The following TM9SF4 variants were observed in gnomAD, a reference collection of about 807,000 sequenced individuals.
TM9SF4 encodes the protein dinucleotide oxidase disulfide thiol exchanger 3 superfamily member 4.
In TM9SF4, 26 loss-of-function variants were observed where a neutral mutation model predicts 90.4. The observed-to-expected ratio is 0.29, with a 90% CI of 0.21 to 0.40. The LOEUF is 0.40. TM9SF4 is among the 10% of genes least tolerant of loss of function. TM9SF4 has a pLI of 1.00. For synonymous variants in TM9SF4, 293 were observed against 315.4 expected (o/e 0.93, Z 0.75); for missense variants, 549 against 834.8 (o/e 0.66, Z 4.22).
At chr20:32,163,245 CAAAAAAAA>C (rs67827616) in intron 17 of TM9SF4, among the ~76,000 whole-genome samples, 533 of 40,896 alleles carry the variant, frequency 0.013, 14 homozygotes, top group African/African-American at 0.048. Context: ...GACTCCATCT[CAAAAAAAA>C]AAAAAAAAAA....
rs908446933 is a variant in TM9SF4, at chr20:32,162,024, A to G, written c.1779+659A>G. On this transcript the variant is annotated intron_variant, in intron 17 of 17. Coordinates refer to ENST00000398022, the MANE Select transcript of TM9SF4 (RefSeq NM_014742.4). ...AACTCACAGAGCTCATTGTCCCGAG[A>G]GAGAGACGTGGGCAAGAATACAGAT... Among the ~76,000 whole-genome samples, 8 of 152,218 alleles carry G rather than the reference A, an allele frequency of 5.3e-5. 1 individual carries two copies. The highest frequency in any genetic ancestry group is 1.7e-4 in the African/African-American group (7 of 41,460).
rs1314146138 is a variant in TM9SF4 at position 32,158,021 on chromosome 20, C to G, written c.1505+52C>G. The G allele has an allele frequency of 2.5e-6, 4 of 1,600,188 alleles. No individual in the cohort carries two copies. The Admixed American group carries it at 6.7e-5, about 27-fold the overall frequency. ...AGGGGAACGTGGAAGAGGGTACGCC[C>G]CCCTCCGCCACCAGAAGGGTGCGGC... On this transcript the variant is annotated intron_variant, in intron 14 of 17. Transcript: ENST00000398022.
intron 17 of TM9SF4, 61 bp downstream of exon 17, chr20:32,161,426 A>T: frequency 6.5e-7 from 1 of 1,536,732 alleles, no homozygotes; most frequent in Non-Finnish European, 9.0e-7. Context: ...CAGGAGGAGG[A>T]TGCTGGGAGA....
intron 6 of TM9SF4, among the ~76,000 whole-genome samples, chr20:32,144,385 A>G (rs577136613): frequency 1.3e-5 from 2 of 152,370 alleles, no homozygotes; most frequent in East Asian, 3.9e-4. Context: ...ATTGATCACG[A>G]AAGTGCCAGG....
In TM9SF4 at chr20:32,161,273, C is replaced by G; in HGVS notation, c.1690-3C>G. ...CACTGACCTTCCTCTGTTTCCTCCT[C>G]AGGATTACCGCTGGTGGTGGAGAAA... On this transcript the variant is annotated splice_polypyrimidine_tract_variant and splice_region_variant and intron_variant, in intron 16 of 17. Transcript: ENST00000398022. 1.2e-6 allele frequency: 2 copies of G among 1,613,600 alleles called. No homozygotes were observed. The highest frequency in any genetic ancestry group is 1.7e-6 in the Non-Finnish European group (2 of 1,179,896).
At chr20:32,159,657 G>T in intron 15 of TM9SF4, 1 of 293,816 alleles carries the variant, frequency 3.4e-6, no homozygotes, top group Admixed American at 4.7e-5. Flanking sequence ...AATTGTATAT[G>T]AGGCATGTGG....
chr20:32,165,443 G>A lies in TM9SF4; in HGVS notation c.1928G>A (p.Ter643=), dbSNP rs1269512215. The change falls in exon 18 of 18, where the codon TGA becomes TAA. Residue 643 remains the stop codon, a stop_retained_variant. Coordinates refer to ENST00000398022, the MANE Select transcript of TM9SF4 (RefSeq NM_014742.4). ...RKIYAAVKID[*] is the part of the protein sequence containing the mutation. ...ATCTATGCTGCTGTGAAGATAGACT[G>A]ATTGGAGTGGACCACGGCCAAGCTT... 1 of 1,613,982 alleles carries A rather than the reference G, an allele frequency of 6.2e-7. No individual in the cohort carries two copies. Among genetic ancestry groups the A allele is most frequent in the African/African-American group, 1.3e-5 (1 of 74,906 alleles).
At chr20:32,144,615 A>G (rs1024706391) in intron 6 of TM9SF4, among the ~76,000 whole-genome samples, 7 of 152,132 alleles carry the variant, frequency 4.6e-5, no homozygotes, top group African/African-American at 1.4e-4. Flanking sequence ...AATAATTTTC[A>G]AAAACCATTG....
At chr20:32,144,187 G>A (rs937912269) in intron 6 of TM9SF4, among the ~76,000 whole-genome samples, 2 of 152,132 alleles carry the variant, frequency 1.3e-5, no homozygotes, top group African/African-American at 4.8e-5. Context: ...CTCGTGATCT[G>A]CCTGCCTTGG....
chr20:32,116,177 T>A (rs113073946), intron 1 of TM9SF4: 10 of 152,092 alleles, frequency 6.6e-5, no homozygotes, highest in Admixed American at 2.0e-4. Context: ...TTTACACATA[T>A]GCAGCTGTTA....
Position 32,157,877 on chromosome 20 carries a change from C to A in TM9SF4, c.1413C>A (p.Gly471=). The change falls in exon 14 of 18, where the codon GGC becomes GGA. Residue 471 remains glycine, a synonymous_variant. Transcript: ENST00000398022. ...LPLVYLGYYF[G]FRKQPYDNPV... is the part of the protein sequence containing the mutation. ...TCGTCTACTTGGGCTACTACTTCGG[C>A]TTCCGAAAGCAGCCATATGACAACC... The A allele has an allele frequency of 6.2e-7, 1 of 1,614,168 alleles. No homozygotes were observed. Among genetic ancestry groups the A allele is most frequent in the South Asian group, 1.1e-5 (1 of 91,086 alleles).
intron 1 of TM9SF4, among the ~76,000 whole-genome samples, chr20:32,118,948 G>C (rs879369653): frequency 3.9e-5 from 6 of 152,088 alleles, no homozygotes. Flanking sequence ...TTTTTAATAA[G>C]GGTGATCCAT....
intron 1 of TM9SF4, among the ~76,000 whole-genome samples, chr20:32,121,348 G>A (rs1201781097): frequency 2.6e-5 from 4 of 151,864 alleles, no homozygotes; most frequent in Non-Finnish European, 4.4e-5. Flanking sequence ...AGGACCCTGC[G>A]GCCTTCTGCA....
chr20:32,157,860 T>C lies in TM9SF4; in HGVS notation c.1396T>C (p.Leu466=), dbSNP rs143840512. The change falls in exon 14 of 18, where the codon TTG becomes CTG. Residue 466 remains leucine, a synonymous_variant. Coordinates refer to ENST00000398022, the MANE Select transcript of TM9SF4 (RefSeq NM_014742.4). The stretch of plus-strand genomic sequence containing the variant: ...CGGGATCTCCCTGCCCCTCGTCTAC[T>C]TGGGCTACTACTTCGGCTTCCGAAA... The part of the protein sequence containing the change: ...WFGISLPLVY[L]GYYFGFRKQP... 140 of 1,614,158 alleles carry C rather than the reference T, an allele frequency of 8.7e-5. No individual in the cohort carries two copies. The highest frequency in any genetic ancestry group is 8.2e-4 in the Middle Eastern group (5 of 6,062).
At chr20:32,158,948 C>T (rs915236188) in intron 15 of TM9SF4, among the ~76,000 whole-genome samples, 1 of 150,256 alleles carries the variant, frequency 6.7e-6, no homozygotes, top group Non-Finnish European at 1.5e-5. Flanking sequence ...CGCCACTGCA[C>T]TCCAGCCTGG....
rs999450914 is a variant in TM9SF4 at position 32,160,185 on chromosome 20, G to A, written c.1689+74G>A. 29 of 1,599,978 alleles carry A rather than the reference G, an allele frequency of 1.8e-5. No homozygotes were observed. The African/African-American group carries it at 2.0e-4, about 11-fold the overall frequency. The stretch of plus-strand genomic sequence containing the variant: ...ATTGAACGGGTTGATGAGGCTCTGC[G>A]GAGAGGCTGGGTCTGGGCTCTTCAT... On this transcript the variant is annotated intron_variant, in intron 16 of 17. Coordinates refer to ENST00000398022, the MANE Select transcript of TM9SF4 (RefSeq NM_014742.4).
At chr20:32,111,951 GT>G (rs2122295234) in intron 1 of TM9SF4, among the ~76,000 whole-genome samples, 1 of 152,342 alleles carries the variant, frequency 6.6e-6, no homozygotes, top group South Asian at 2.1e-4. Context: ...AAGGACTGCG[GT>G]CTACATTTTG....
In TM9SF4 at chr20:32,165,538, T is replaced by G; in HGVS notation, c.*94T>G. On this transcript the variant is annotated 3_prime_UTR_variant, in exon 18 of 18. Coordinates refer to ENST00000398022, the MANE Select transcript of TM9SF4 (RefSeq NM_014742.4). ...GCACGCAAAATAAAATAACTCCTGC[T>G]CGTTTGGAATGTAACTCCTGGCACA... is the stretch of plus-strand genomic sequence containing the variant. 6.9e-7 allele frequency: 1 copy of G among 1,443,738 alleles called. No individual in the cohort carries two copies. The allele number at this position is 1,443,738 out of a possible 1,614,324, so 89.4% of individuals were successfully genotyped here. A position where few individuals can be genotyped will look rare whatever the true frequency, so the allele number is the denominator to read the frequency against.
In TM9SF4 at chr20:32,146,816, C is replaced by T. The variant is rs1171648759; in HGVS notation, c.915C>T (p.Leu305=). ...GILSMIIIRT[L]RKDIANYNKE... ...TGAGCATGATTATCATTCGGACCCT[C>T]CGGAAGGACATTGCCAACTACAACA... Residue 305 remains leucine (L), a synonymous_variant, in exon 9 of 18, where the codon CTC becomes CTT. Transcript: ENST00000398022. 6 of 1,613,944 alleles carry T rather than the reference C, an allele frequency of 3.7e-6. No homozygotes were observed. The highest frequency in any genetic ancestry group is 4.2e-6 in the Non-Finnish European group (5 of 1,180,014).
Sources: gnomAD v4.1 joint callset for allele counts (sites outside exome capture counted in the v4.1 genomes callset) on GRCh38, gnomAD v4.1.1 for gene constraint, MANE v1.5 for transcripts, NCBI Gene and HGNC (gene_info 2026-07-23, HGNC 2026-07-21) for gene names.